Variants in CSMD1 observed in about 807,000 individuals in gnomAD.
CSMD1 encodes CUB and sushi domain-containing protein 1.
A neutral mutation model predicts 417.5 loss-of-function variants in CSMD1; 213 were observed. The ratio of observed to expected loss-of-function variants is 0.51; its 90% confidence interval spans 0.46 to 0.57. The LOEUF (loss-of-function observed/expected upper bound fraction) is 0.57, where lower values mean the gene tolerates loss of function less well. Among genes scored for constraint, CSMD1 ranks in the 20% least tolerant of loss-of-function variants. CSMD1 has a pLI of 0.00. For missense variants in CSMD1, 6,923 were observed against 4,529.7 expected (o/e 1.53, Z -15.17); for synonymous variants, 2,862 against 1,736.8 (o/e 1.65, Z -16.11).
In CSMD1 at chr8:2,955,781, T is replaced by A. The variant is rs780692247; in HGVS notation, c.9815-13A>T. 2.5e-6 allele frequency: 4 copies of A among 1,610,516 alleles called. No individual in the cohort carries two copies. In the East Asian group the frequency reaches 8.9e-5, roughly 36 times the overall value. On this transcript the variant is annotated splice_polypyrimidine_tract_variant and intron_variant, in intron 63 of 69. Coordinates refer to ENST00000635120, the MANE Select transcript of CSMD1 (RefSeq NM_033225.6). ...CTGCAGGCATGAGCTGAAACAACAT[T>A]AGGAAACATTGAGACTTTGTTTATT...
At chr8:4,489,361 C>A (rs1047080022) in intron 2 of CSMD1, among the ~76,000 whole-genome samples, 5 of 152,202 alleles carry the variant, frequency 3.3e-5, no homozygotes, top group Non-Finnish European at 5.9e-5. Context: ...TTTGCTTACA[C>A]ACATCCATGT....
At chr8:4,190,210 G>A (rs967625103) in intron 3 of CSMD1, among the ~76,000 whole-genome samples, 1 of 135,212 alleles carries the variant, frequency 7.4e-6, no homozygotes, top group Non-Finnish European at 1.5e-5. Context: ...AGTGAGCTGA[G>A]ATCGAGTCAC....
At chr8:3,743,939 A>G (rs1346129313) in intron 6 of CSMD1, among the ~76,000 whole-genome samples, 1 of 152,182 alleles carries the variant, frequency 6.6e-6, no homozygotes, top group Non-Finnish European at 1.5e-5. Context: ...AAAAAATTGG[A>G]GAATCACTGA....
At chr8:4,326,697 A>C (rs1563058393) in intron 3 of CSMD1, among the ~76,000 whole-genome samples, 1 of 152,198 alleles carries the variant, frequency 6.6e-6, no homozygotes, top group Admixed American at 6.5e-5. Flanking sequence ...CAAGAACATG[A>C]AACATTCCGT....
chr8:4,306,633 T>C (rs1482917695), intron 3 of CSMD1, among the ~76,000 whole-genome samples: 1 of 152,126 alleles, frequency 6.6e-6, no homozygotes, highest in African/African-American at 2.4e-5. Flanking sequence ...CATTCACACA[T>C]CTGGATGTAT....
chr8:3,020,185 A>T (rs2128969856), intron 51 of CSMD1, among the ~76,000 whole-genome samples: 1 of 152,340 alleles, frequency 6.6e-6, no homozygotes, highest in African/African-American at 2.4e-5. Flanking sequence ...CCTACTGCAT[A>T]GGCTTGTGCA....
At chr8:4,372,812 A>G (rs910035288) in intron 3 of CSMD1, among the ~76,000 whole-genome samples, 1 of 152,166 alleles carries the variant, frequency 6.6e-6, no homozygotes, top group Non-Finnish European at 1.5e-5. Flanking sequence ...CATACTGATA[A>G]AAATAAAATA....
chr8:3,396,469 AC>A, intron 16 of CSMD1, 88 bp from the exon 17 acceptor site: 1 of 922,800 alleles, frequency 1.1e-6, no homozygotes, highest in Non-Finnish European at 1.6e-6. Flanking sequence ...TTAATCAGAA[AC>A]CCATGTACGT....
chr8:4,884,239 A>G (rs73505805), intron 1 of CSMD1, among the ~76,000 whole-genome samples: 3,142 of 151,866 alleles, frequency 0.021, 124 homozygotes, highest in African/African-American at 0.07. Flanking sequence ...ACACATACCT[A>G]TGTTTATATA....
At chr8:3,848,500 C>T (rs528670497) in intron 5 of CSMD1, among the ~76,000 whole-genome samples, 21 of 152,174 alleles carry the variant, frequency 1.4e-4, no homozygotes, top group African/African-American at 3.4e-4. Flanking sequence ...TTATACTTTC[C>T]GATTTTATAG....
chr8:4,094,157 G>A (rs1421934229), intron 3 of CSMD1, among the ~76,000 whole-genome samples: 4 of 152,076 alleles, frequency 2.6e-5, no homozygotes, highest in Non-Finnish European at 5.9e-5. Context: ...GGACACAGCC[G>A]TGCACACGAA....
chr8:4,048,101 T>A (rs1350468258), intron 3 of CSMD1, among the ~76,000 whole-genome samples: 7 of 152,142 alleles, frequency 4.6e-5, no homozygotes, highest in Non-Finnish European at 8.8e-5. Flanking sequence ...TATCTCAGGG[T>A]AGACCCCGAC....
chr8:3,368,954 A>T (rs6983840), intron 19 of CSMD1, among the ~76,000 whole-genome samples: 36,248 of 152,166 alleles, frequency 0.24, 4,421 homozygotes, highest in African/African-American at 0.3. Context: ...ATCAATGGTC[A>T]GATTTTATTG....
At chr8:3,901,538 C>A (rs567528847) in intron 5 of CSMD1, among the ~76,000 whole-genome samples, 1 of 152,228 alleles carries the variant, frequency 6.6e-6, no homozygotes, top group Non-Finnish European at 1.5e-5. Context: ...GTACACCAAC[C>A]TGCCGATCAC....
At chr8:3,496,755 G>A (rs999044368) in intron 10 of CSMD1, among the ~76,000 whole-genome samples, 2 of 152,050 alleles carry the variant, frequency 1.3e-5, no homozygotes, top group Non-Finnish European at 2.9e-5. Flanking sequence ...GAACCTGGGA[G>A]GTGGAGGTTG....
chr8:3,991,690 A>G lies in CSMD1; in HGVS notation c.818+6213T>C, dbSNP rs191064566. ...AGGTTGCTGAAGAAATTCTAGGATG[A>G]GAGTGGAGTGCCGACACACTGCTTC... On this transcript the variant is annotated intron_variant, in intron 5 of 69. Coordinates refer to ENST00000635120, the MANE Select transcript of CSMD1 (RefSeq NM_033225.6). Among the ~76,000 whole-genome samples, 72 of 152,260 alleles carry G rather than the reference A, an allele frequency of 4.7e-4. 2 individuals are homozygous for G. Among genetic ancestry groups the G allele is most frequent in the Non-Finnish European group, 4.4e-5 (3 of 68,024 alleles).
At chr8:3,626,959 C>A (rs1450190290) in intron 7 of CSMD1, among the ~76,000 whole-genome samples, 2 of 151,206 alleles carry the variant, frequency 1.3e-5, no homozygotes, top group Non-Finnish European at 2.9e-5. Flanking sequence ...CACAGTTATA[C>A]AGTGTTTAGT....
chr8:3,558,928 A>T (rs1022308745), intron 10 of CSMD1, among the ~76,000 whole-genome samples: 1 of 152,150 alleles, frequency 6.6e-6, no homozygotes, highest in Non-Finnish European at 1.5e-5. Flanking sequence ...CAGCACCACG[A>T]TTCGAGGTCC....
At chr8:4,306,430 G>A (rs1165680241) in intron 3 of CSMD1, among the ~76,000 whole-genome samples, 1 of 152,086 alleles carries the variant, frequency 6.6e-6, no homozygotes, top group Admixed American at 6.5e-5. Flanking sequence ...CATCGTGAAA[G>A]TTCAATTGAT....
Sources: allele counts gnomAD v4.1 joint callset (sites outside exome capture counted in the v4.1 genomes callset), GRCh38; gene constraint gnomAD v4.1.1; transcripts MANE v1.5; gene names NCBI Gene and HGNC (gene_info 2026-07-23, HGNC 2026-07-21).